Variants in PRICKLE1 observed in about 807,000 individuals in gnomAD.
The protein encoded by PRICKLE1 is prickle planar cell polarity protein 1.
Under a neutral mutation model 70.2 loss-of-function variants are expected in PRICKLE1, and 14 were observed. The ratio of observed to expected loss-of-function variants is 0.20; its 90% CI spans 0.13 to 0.31. The LOEUF (loss-of-function observed/expected upper bound fraction) is 0.31, where lower values mean the gene tolerates loss of function less well. PRICKLE1 is among the 10% of genes least tolerant of loss of function. The pLI is 1.00. For synonymous variants in PRICKLE1, 357 were observed against 379.9 expected (o/e 0.94, Z 0.70); for missense variants, 821 against 1,026.2 (o/e 0.80, Z 2.73).
chr12:42,542,175 C>A (rs1940129593), intron 1 of PRICKLE1, among the ~76,000 whole-genome samples: 1 of 151,892 alleles, frequency 6.6e-6, no homozygotes, highest in Non-Finnish European at 1.5e-5. Flanking sequence ...GCTAAGGGGG[C>A]AGAAATGCCA....
At chr12:42,527,128 C>CTTTTT (rs386376309) in intron 1 of PRICKLE1, among the ~76,000 whole-genome samples, 43 of 100,780 alleles carry the variant, frequency 4.3e-4, no homozygotes, top group Non-Finnish European at 5.7e-4. Context: ...TTTTTTTCCT[C>CTTTTT]TTTTTTTTTT....
At chr12:42,469,935 G>A in intron 3 of PRICKLE1, 1 of 491,920 alleles carries the variant, frequency 2.0e-6, no homozygotes. Context: ...CTCAACTGCA[G>A]GCCTGAATGA....
intron 4 of PRICKLE1, 33 bp from the exon 5 acceptor site, chr12:42,468,862 C>A: frequency 3.8e-6 from 6 of 1,597,364 alleles, no homozygotes; most frequent in East Asian, 2.2e-5. Context: ...GTAAAAGGAT[C>A]ATTTTTTAAA....
intron 1 of PRICKLE1, among the ~76,000 whole-genome samples, chr12:42,521,026 T>C (rs976206520): frequency 6.6e-6 from 1 of 151,876 alleles, no homozygotes; most frequent in African/African-American, 2.4e-5. Flanking sequence ...CAAAAATTAG[T>C]TGGGCATGCT....
chr12:42,462,050 G>A (rs1414558931), intron 7 of PRICKLE1, among the ~76,000 whole-genome samples: 3 of 151,932 alleles, frequency 2.0e-5, no homozygotes, highest in African/African-American at 4.8e-5. Context: ...TGCCCGCCTC[G>A]GTCTCCCAAA....
intron 1 of PRICKLE1, among the ~76,000 whole-genome samples, chr12:42,537,681 A>T (rs1237137790): frequency 6.6e-6 from 1 of 152,144 alleles, no homozygotes; most frequent in Non-Finnish European, 1.5e-5. Flanking sequence ...AAAACAAGAC[A>T]TTTTCTGAAT....
At chr12:42,578,202 G>T (rs2120782785) in intron 1 of PRICKLE1, among the ~76,000 whole-genome samples, 1 of 152,262 alleles carries the variant, frequency 6.6e-6, no homozygotes, top group South Asian at 2.1e-4. Context: ...TGGAACTCGA[G>T]ACATTAAAAT....
chr12:42,535,638 A>T (rs1361860111), intron 1 of PRICKLE1, among the ~76,000 whole-genome samples: 1 of 152,128 alleles, frequency 6.6e-6, no homozygotes, highest in Non-Finnish European at 1.5e-5. Context: ...TGCAGGTGCA[A>T]GCTGGATATG....
intron 1 of PRICKLE1, among the ~76,000 whole-genome samples, chr12:42,559,620 A>ATTT (rs199807403): frequency 4.7e-5 from 3 of 63,610 alleles, no homozygotes; most frequent in Non-Finnish European, 5.4e-5. Context: ...ATATATATAT[A>ATTT]TATATTTTTT....
chr12:42,576,406 G>A (rs1046730819), intron 1 of PRICKLE1, among the ~76,000 whole-genome samples: 6 of 152,160 alleles, frequency 3.9e-5, no homozygotes, highest in African/African-American at 1.4e-4. Flanking sequence ...ACCCTGGAGC[G>A]CTAGCCTCCA....
In PRICKLE1 at chr12:42,459,677, C is replaced by A. The variant is rs1937720098; in HGVS notation, c.*132G>T. On this transcript the variant is annotated 3_prime_UTR_variant, in exon 8 of 8. Coordinates refer to ENST00000345127, the MANE Select transcript of PRICKLE1 (RefSeq NM_153026.3). ...AATGTTAATCTGACACTGTAAACAGCAGTTGAGTTCTCATTTACATGGGCA... is the reference window on the plus strand; with the variant it reads ...AATGTTAATCTGACACTGTAAACAGAAGTTGAGTTCTCATTTACATGGGCA... The A allele has an allele frequency of 1.0e-6, 1 of 997,984 alleles. No individual in the cohort carries two copies. The highest frequency in any genetic ancestry group is 1.9e-5 in the Admixed American group (1 of 53,106). The allele number at this position is 997,984 out of a possible 1,614,324, so 61.8% of individuals were successfully genotyped here. A position where few individuals can be genotyped will look rare whatever the true frequency, so the allele number is the denominator to read the frequency against.
At chr12:42,506,261 T>TC (rs1555234490) in intron 1 of PRICKLE1, among the ~76,000 whole-genome samples, 2 of 145,022 alleles carry the variant, frequency 1.4e-5, no homozygotes, top group African/African-American at 2.6e-5. Flanking sequence ...CTTTCTTTCT[T>TC]TTTTTTTTTT....
At chr12:42,465,967 T>A in intron 6 of PRICKLE1, 1 of 597,780 alleles carries the variant, frequency 1.7e-6, no homozygotes, top group Non-Finnish European at 3.0e-6. Context: ...TGTTCACTAA[T>A]CCAGTGTTTG....
chr12:42,585,705 A>T (rs1488333080), intron 1 of PRICKLE1, among the ~76,000 whole-genome samples: 4 of 152,188 alleles, frequency 2.6e-5, no homozygotes, highest in African/African-American at 7.2e-5. Context: ...GCTTACTCAG[A>T]TTCCCCATAC....
chr12:42,516,963 A>G (rs1939622429), intron 1 of PRICKLE1, among the ~76,000 whole-genome samples: 1 of 152,140 alleles, frequency 6.6e-6, no homozygotes, highest in Non-Finnish European at 1.5e-5. Flanking sequence ...GGTTTTGTTT[A>G]GGTACCCTCT....
At chr12:42,571,605 C>T (rs1398208726) in intron 1 of PRICKLE1, among the ~76,000 whole-genome samples, 1 of 152,194 alleles carries the variant, frequency 6.6e-6, no homozygotes, top group Non-Finnish European at 1.5e-5. Context: ...TCAGACCCAC[C>T]TGATGGACGG....
At chr12:42,485,921 T>G (rs1270081011) in intron 1 of PRICKLE1, among the ~76,000 whole-genome samples, 3 of 152,230 alleles carry the variant, frequency 2.0e-5, no homozygotes, top group Non-Finnish European at 2.9e-5. Flanking sequence ...TGGAGACAGT[T>G]GCAAGCTTCC....
At chr12:42,564,070 A>G (rs1178073317) in intron 1 of PRICKLE1, among the ~76,000 whole-genome samples, 2 of 151,658 alleles carry the variant, frequency 1.3e-5, no homozygotes, top group South Asian at 4.2e-4. Context: ...CATCCTGGCC[A>G]ACATGGTGAA....
intron 2 of PRICKLE1, among the ~76,000 whole-genome samples, chr12:42,471,679 T>C (rs1938328545): frequency 6.6e-6 from 1 of 152,190 alleles, no homozygotes; most frequent in African/African-American, 2.4e-5. Context: ...AGCAACCACA[T>C]ACCCCACTGT....
Sources: allele counts gnomAD v4.1 joint callset (sites outside exome capture counted in the v4.1 genomes callset), GRCh38; gene constraint gnomAD v4.1.1; transcripts MANE v1.5; gene names NCBI Gene and HGNC (gene_info 2026-07-23, HGNC 2026-07-21).